RBFOX1: variants seen among roughly 807,000 people sequenced by gnomAD.
RBFOX1 encodes the protein RNA binding fox-1 homolog 1.
RBFOX1 carries 8 observed loss-of-function variants against 57.7 expected under a neutral mutation model. That is an observed-to-expected ratio of 0.14 (90% CI 0.08 to 0.25). The LOEUF (loss-of-function observed/expected upper bound fraction) is 0.25. Among genes scored for constraint, RBFOX1 ranks in the 10% least tolerant of loss-of-function variants. RBFOX1 has a pLI of 1.00. For missense variants in RBFOX1, 611 were observed against 548.5 expected (o/e 1.11, Z -1.14); for synonymous variants, 326 against 222.4 (o/e 1.47, Z -4.15).
At chr16:7,473,146 G>C (rs557513926) in intron 4 of RBFOX1, among the ~76,000 whole-genome samples, 1 of 152,118 alleles carries the variant, frequency 6.6e-6, no homozygotes, top group African/African-American at 2.4e-5. Context: ...GGGAGGCTGA[G>C]GTGGGTGAAT....
intron 1 of RBFOX1, among the ~76,000 whole-genome samples, chr16:5,457,595 G>A (rs1294883724): frequency 6.6e-6 from 1 of 152,152 alleles, no homozygotes; most frequent in Non-Finnish European, 1.5e-5. Flanking sequence ...TTCCATAGCA[G>A]CCTTTGAGTT....
At chr16:7,333,798 T>C (rs1447252875) in intron 4 of RBFOX1, among the ~76,000 whole-genome samples, 1 of 152,150 alleles carries the variant, frequency 6.6e-6, no homozygotes, top group Non-Finnish European at 1.5e-5. Context: ...TAAGGTTTTC[T>C]TTGCAAGCAG....
intron 4 of RBFOX1, among the ~76,000 whole-genome samples, chr16:7,390,491 C>G (rs538899981): frequency 2.6e-4 from 40 of 152,302 alleles, no homozygotes; most frequent in African/African-American, 9.6e-4. Flanking sequence ...GCCATATCAT[C>G]TGTTCAAAAG....
At chr16:7,464,688 C>CTTTTTTTTTTTTTTTTTTTTTTT (rs57553411) in intron 4 of RBFOX1, among the ~76,000 whole-genome samples, 2 of 62,270 alleles carry the variant, frequency 3.2e-5, no homozygotes, top group African/African-American at 1.4e-4. Context: ...TATTGTCTGT[C>CTTTTTTTTTTTTTTTTTTTTTTT]TTTTTTTTTT....
intron 4 of RBFOX1, among the ~76,000 whole-genome samples, chr16:5,999,112 A>G (rs2060541804): frequency 6.6e-6 from 1 of 152,198 alleles, no homozygotes; most frequent in Admixed American, 6.5e-5. Flanking sequence ...AGGAGTCATT[A>G]GCAATTCATT....
chr16:6,306,936 A>G (rs1454263934), intron 1 of RBFOX1, among the ~76,000 whole-genome samples: 1 of 152,160 alleles, frequency 6.6e-6, no homozygotes, highest in African/African-American at 2.4e-5. Context: ...CTACTTTGTG[A>G]ACTTGGTGCT....
At chr16:6,470,241 G>A (rs939451389) in intron 2 of RBFOX1, among the ~76,000 whole-genome samples, 1 of 152,282 alleles carries the variant, frequency 6.6e-6, no homozygotes, top group Non-Finnish European at 1.5e-5. Context: ...GGTGGAAGGT[G>A]AGTAGGTTTA....
intron 3 of RBFOX1, among the ~76,000 whole-genome samples, chr16:6,773,014 G>GTGTGTGTGTT (rs2078626919): frequency 7.1e-6 from 1 of 140,454 alleles, no homozygotes; most frequent in Admixed American, 7.2e-5. Flanking sequence ...GTGTGTGTGT[G>GTGTGTGTGTT]TGTGATTGTA....
chr16:6,820,381 C>A (rs1454086773), intron 3 of RBFOX1, among the ~76,000 whole-genome samples: 2 of 152,114 alleles, frequency 1.3e-5, no homozygotes, highest in Non-Finnish European at 2.9e-5. Context: ...CTGTGATAGG[C>A]CCAACACAGT....
At chr16:6,378,496 G>C (rs545995678) in intron 2 of RBFOX1, among the ~76,000 whole-genome samples, 3 of 152,206 alleles carry the variant, frequency 2.0e-5, no homozygotes, top group Admixed American at 1.3e-4. Flanking sequence ...CATCTTGTTA[G>C]GGCAAGAGAG....
intron 3 of RBFOX1, among the ~76,000 whole-genome samples, chr16:6,788,484 A>AT (rs1229748491): frequency 6.7e-6 from 1 of 149,326 alleles, no homozygotes; most frequent in African/African-American, 2.5e-5. Flanking sequence ...TTTATTTTTT[A>AT]TTTTTTTGAG....
intron 4 of RBFOX1, among the ~76,000 whole-genome samples, chr16:7,110,259 G>A (rs1223105458): frequency 6.6e-6 from 1 of 151,890 alleles, no homozygotes; most frequent in Non-Finnish European, 1.5e-5. Flanking sequence ...TCTCGGGGAG[G>A]CTGAGGCAGA....
chr16:5,699,742 C>G (rs894623778), intron 3 of RBFOX1, among the ~76,000 whole-genome samples: 1 of 152,162 alleles, frequency 6.6e-6, no homozygotes, highest in Admixed American at 6.5e-5. Context: ...AATTATCCTG[C>G]CCAAAATACC....
At chr16:7,209,075 A>G (rs375878274) in intron 4 of RBFOX1, among the ~76,000 whole-genome samples, 1 of 151,942 alleles carries the variant, frequency 6.6e-6, no homozygotes, top group African/African-American at 2.4e-5. Context: ...TGGTCAGATC[A>G]CCTGAGGTCA....
rs552723801 is a variant in RBFOX1 at position 5,909,217 on chromosome 16, C to T, written c.351+41882C>T. Among the ~76,000 whole-genome samples the T allele has an allele frequency of 1.1e-3, 166 of 151,330 alleles. 1 individual carries two copies. Among genetic ancestry groups the T allele is most frequent in the Middle Eastern group, 3.4e-3 (1 of 292 alleles). On this transcript the variant is annotated intron_variant, in intron 4 of 19. Transcript: ENST00000641259. ...ACGCCATTCTCCTGCTTCAGCCTCC[C>T]GAGTAGCTGGGACTACAGGCACCCA... is the stretch of plus-strand genomic sequence containing the variant.
At chr16:7,326,154 A>G (rs542866188) in intron 4 of RBFOX1, among the ~76,000 whole-genome samples, 29 of 152,156 alleles carry the variant, frequency 1.9e-4, no homozygotes, top group Non-Finnish European at 4.1e-4. Context: ...TTGAGCAACT[A>G]CTCTGTGCCC....
chr16:6,191,129 GT>G (rs5815289), intron 1 of RBFOX1, among the ~76,000 whole-genome samples: 124,518 of 133,920 alleles, frequency 0.93, 58,073 homozygotes, highest in South Asian at 0.98. Flanking sequence ...TGCGTCTGTG[GT>G]TTTTTTTTTT....
chr16:7,575,833 C>G (rs1163582995), intron 5 of RBFOX1, among the ~76,000 whole-genome samples: 1 of 152,234 alleles, frequency 6.6e-6, no homozygotes, highest in Non-Finnish European at 1.5e-5. Flanking sequence ...TTGTGATGAT[C>G]TCTAACCCCA....
At chr16:5,605,626 G>A (rs1454138381) in intron 3 of RBFOX1, among the ~76,000 whole-genome samples, 2 of 152,104 alleles carry the variant, frequency 1.3e-5, no homozygotes, top group Non-Finnish European at 2.9e-5. Context: ...GTCTAGGAGG[G>A]GAGAGTGGTG....
Sources: allele counts gnomAD v4.1 joint callset (sites outside exome capture counted in the v4.1 genomes callset), GRCh38; gene constraint gnomAD v4.1.1; transcripts MANE v1.5; gene names NCBI Gene and HGNC (gene_info 2026-07-23, HGNC 2026-07-21).